TNRC6B: variants seen among roughly 807,000 people sequenced by gnomAD.
TNRC6B encodes the protein trinucleotide repeat-containing gene 6B protein.
A neutral mutation model predicts 203.6 loss-of-function variants in TNRC6B; 52 were observed. The observed-to-expected ratio is 0.26, with a 90% CI of 0.20 to 0.32. TNRC6B has a LOEUF of 0.32. Ranked by LOEUF, TNRC6B falls within the 10% of genes least tolerant of loss-of-function variation. TNRC6B has a pLI of 1.00. For missense variants in TNRC6B, 1,923 were observed against 2,286.2 expected, an observed-to-expected ratio of 0.84 and a Z score of 3.24; for synonymous variants, 838 against 845.7, an observed-to-expected ratio of 0.99 and a Z score of 0.16.
At chr22:40,184,402 T>A (rs1193013810) in intron 1 of TNRC6B, among the ~76,000 whole-genome samples, 2 of 152,178 alleles carry the variant, frequency 1.3e-5, no homozygotes, top group Non-Finnish European at 2.9e-5. Flanking sequence ...AGAGAGTACT[T>A]TGACATGGTT....
chr22:40,321,428 A>G, intron 22 of TNRC6B, 199 bp downstream of exon 22: 2 of 552,724 alleles, frequency 3.6e-6, no homozygotes, highest in Non-Finnish European at 6.3e-6. Context: ...TCCTGTATAT[A>G]TCAGAGGCCA....
At chr22:40,135,894 A>T (rs1162700620) in intron 3 of TNRC6B, among the ~76,000 whole-genome samples, 2 of 152,214 alleles carry the variant, frequency 1.3e-5, no homozygotes, top group South Asian at 4.1e-4. Context: ...TAGAGAGGGT[A>T]GGTAGACTAG....
At position 40,290,947 on chromosome 22, in the gene TNRC6B, A is replaced by G. The variant is rs539310887; in HGVS notation, c.3708+5177A>G. Among the ~76,000 whole-genome samples the G allele has an allele frequency of 9.8e-5, 15 of 152,314 alleles. No homozygotes were observed. The East Asian group carries it at 2.3e-3, about 23-fold the overall frequency. On this transcript the variant is annotated intron_variant, in intron 12 of 22. Coordinates refer to ENST00000454349, the MANE Select transcript of TNRC6B (RefSeq NM_001162501.2). Reference sequence around the variant, plus strand: ...GACCAAAGTGTCTGCTCTACCCAAAAAAGAAAATTACTTGTGTTCCCTCCA... The same window carrying G: ...GACCAAAGTGTCTGCTCTACCCAAAGAAGAAAATTACTTGTGTTCCCTCCA...
chr22:40,288,774 C>T (rs557828766), intron 12 of TNRC6B, among the ~76,000 whole-genome samples: 17 of 151,730 alleles, frequency 1.1e-4, no homozygotes, highest in African/African-American at 4.1e-4. Flanking sequence ...AACTCCTGAC[C>T]TCCTGATCCA....
At chr22:40,267,890 T>C (rs1056230720) in intron 5 of TNRC6B, among the ~76,000 whole-genome samples, 9 of 152,018 alleles carry the variant, frequency 5.9e-5, no homozygotes, top group African/African-American at 1.9e-4. Flanking sequence ...AGAGCGATTG[T>C]TAGGATAGTC....
intron 1 of TNRC6B, among the ~76,000 whole-genome samples, chr22:40,212,858 C>T (rs2069583880): frequency 6.6e-6 from 1 of 152,076 alleles, no homozygotes; most frequent in Non-Finnish European, 1.5e-5. Flanking sequence ...CCATGTTGGC[C>T]AGGCTGGTCT....
chr22:40,139,551 C>T (rs995458010), intron 3 of TNRC6B, among the ~76,000 whole-genome samples: 3 of 152,052 alleles, frequency 2.0e-5, no homozygotes, highest in Admixed American at 6.6e-5. Flanking sequence ...AGGCTGGTCT[C>T]GAACTCCTGA....
rs1261934046 is a variant in TNRC6B at position 40,323,743 on chromosome 22, G to T, written c.*502G>T. 1 of 138,778 alleles carries T rather than the reference G, an allele frequency of 7.2e-6. No homozygotes were observed. Among genetic ancestry groups the T allele is most frequent in the Non-Finnish European group, 1.5e-5 (1 of 64,658 alleles). 8.6% of individuals were successfully genotyped at this position (138,778 alleles called of 1,614,324 possible). A position where few individuals can be genotyped will look rare whatever the true frequency, so the allele number is the denominator to read the frequency against. ...AATTGTTGGGGGAGGGGGGAGGGAA[G>T]ACTTGACGGAGCCTCACTTTAAAAA... is the stretch of plus-strand genomic sequence containing the variant. On this transcript the variant is annotated 3_prime_UTR_variant, in exon 23 of 23. Transcript: ENST00000454349.
chr22:40,097,669 T>TACACACACAC lies in TNRC6B; in HGVS notation c.-120-19349_-120-19340dup, dbSNP rs6147625. Among the ~76,000 whole-genome samples, 240 of 135,632 alleles carry TACACACACAC rather than the reference T, an allele frequency of 1.8e-3. 2 individuals are homozygous for TACACACACAC. Among genetic ancestry groups the TACACACACAC allele is most frequent in the Non-Finnish European group, 2.3e-3 (146 of 62,868 alleles). 89.0% of individuals were successfully genotyped at this position (135,632 alleles called of 152,430 possible). On this transcript the variant is annotated intron_variant, in intron 1 of 23. Transcript: ENST00000301923. ...TTTCTCCATGCTTTCAGGTATATCA[T>TACACACACAC]ACACACACACACACACACACACACA...
intron 1 of TNRC6B, among the ~76,000 whole-genome samples, chr22:40,049,691 C>T (rs2067729285): frequency 6.6e-6 from 1 of 152,108 alleles, no homozygotes; most frequent in Non-Finnish European, 1.5e-5. Flanking sequence ...GCAACTTCTG[C>T]CTTCCGGGTT....
intron 1 of TNRC6B, among the ~76,000 whole-genome samples, chr22:40,066,038 C>T (rs1210223247): frequency 1.3e-5 from 2 of 152,138 alleles, no homozygotes; most frequent in Admixed American, 6.5e-5. Flanking sequence ...GCTCTTTTCT[C>T]TCTTGGTACT....
At chr22:40,316,550 T>C (rs1334293596) in intron 21 of TNRC6B, among the ~76,000 whole-genome samples, 1 of 152,110 alleles carries the variant, frequency 6.6e-6, no homozygotes, top group Non-Finnish European at 1.5e-5. Context: ...CTCAGGAGGC[T>C]GAGGTGGGAG....
At position 40,264,684 on chromosome 22, in the gene TNRC6B, C is replaced by T. The variant is rs778079763; in HGVS notation, c.458-4C>T. On this transcript the variant is annotated splice_polypyrimidine_tract_variant and splice_region_variant and intron_variant, in intron 4 of 22. Coordinates refer to ENST00000454349, the MANE Select transcript of TNRC6B (RefSeq NM_001162501.2). ...TGTGATTAATAAGATGATCTGTTCC[C>T]CAGACTCAACCCTTGGAGGTGCTGC... 1.3e-6 allele frequency: 2 copies of T among 1,573,598 alleles called. No homozygotes were observed. Among genetic ancestry groups the T allele is most frequent in the South Asian group, 2.4e-5 (2 of 84,202 alleles).
chr22:40,121,500 G>A (rs1340037208), intron 2 of TNRC6B, among the ~76,000 whole-genome samples: 1 of 152,208 alleles, frequency 6.6e-6, no homozygotes, highest in Non-Finnish European at 1.5e-5. Context: ...TGCCTGCTTA[G>A]GAAAAGCTGT....
At position 40,152,453 on chromosome 22, in the gene TNRC6B, C is replaced by T. The variant is rs548591837; in HGVS notation, c.46-3662C>T. 6.0e-4 allele frequency among the ~76,000 whole-genome samples: 91 copies of T among 152,234 alleles called. 1 individual carries two copies. In the South Asian group the frequency reaches 0.017, roughly 28 times the overall value. On this transcript the variant is annotated intron_variant, in intron 3 of 23. Coordinates refer to the TNRC6B transcript ENST00000301923. ...GCCATTCTTCTGCCTCAGCCTCCTG[C>T]GTAGCTTGGACTACAGGTGCCCACC...
chr22:40,074,944 C>T (rs549055743), intron 1 of TNRC6B, among the ~76,000 whole-genome samples: 51 of 151,772 alleles, frequency 3.4e-4, no homozygotes, highest in African/African-American at 1.1e-3. Flanking sequence ...GGCAACAGAG[C>T]GAGACCTTGT....
intron 3 of TNRC6B, among the ~76,000 whole-genome samples, chr22:40,131,260 C>T (rs984228735): frequency 1.3e-5 from 2 of 152,128 alleles, no homozygotes; most frequent in South Asian, 2.1e-4. Flanking sequence ...TTTGCTGTTC[C>T]TCTTGAAGAG....
chr22:40,054,883 A>G (rs1404936328), intron 1 of TNRC6B, among the ~76,000 whole-genome samples: 1 of 151,880 alleles, frequency 6.6e-6, no homozygotes, highest in African/African-American at 2.4e-5. Flanking sequence ...CAAAAAAAAA[A>G]AAAATTAGCT....
chr22:40,164,388 TAAAAA>T (rs34013375), intron 4 of TNRC6B, among the ~76,000 whole-genome samples: 2 of 128,058 alleles, frequency 1.6e-5, no homozygotes, highest in Non-Finnish European at 3.2e-5. Flanking sequence ...ACTCTGCCTT[TAAAAA>T]AAAAAAAAAA....
Sources: gnomAD v4.1 joint callset for allele counts (sites outside exome capture counted in the v4.1 genomes callset) on GRCh38, gnomAD v4.1.1 for gene constraint, MANE v1.5 for transcripts, NCBI Gene and HGNC (gene_info 2026-07-23, HGNC 2026-07-21) for gene names.